Variants in NT5DC1 observed in about 807,000 individuals in gnomAD.
NT5DC1 encodes 5'-nucleotidase domain containing 1.
In NT5DC1, 42 loss-of-function variants were observed where a neutral mutation model predicts 59.4. The ratio of observed to expected loss-of-function variants is 0.71; its 90% CI spans 0.55 to 0.92. NT5DC1 has a LOEUF of 0.92. Among genes scored for constraint, NT5DC1 ranks in the 40% least tolerant of loss-of-function variants. NT5DC1 has a pLI of 0.00. For synonymous variants in NT5DC1, 172 were observed against 188.1 expected (o/e 0.91, Z 0.70); for missense variants, 501 against 537.1 (o/e 0.93, Z 0.66).
rs369941065 is a variant in NT5DC1 at position 116,120,861 on chromosome 6, C to A, written c.529+2916C>A. The A allele has an allele frequency of 5.0e-6, 8 of 1,614,016 alleles. No homozygotes were observed. The highest frequency in any genetic ancestry group is 6.8e-6 in the Non-Finnish European group (8 of 1,179,948). Reference sequence around the variant, plus strand: ...GCTGGGCCCACAGGGCCTGGGAGACCAGGAGGTCCTCCAACTCCAGGATCA... The same window carrying A: ...GCTGGGCCCACAGGGCCTGGGAGACAAGGAGGTCCTCCAACTCCAGGATCA... On this transcript the variant is annotated intron_variant, in intron 6 of 11. Transcript: ENST00000319550.
At chr6:116,103,004 C>G (rs1479542562) in intron 1 of NT5DC1, among the ~76,000 whole-genome samples, 1 of 152,210 alleles carries the variant, frequency 6.6e-6, no homozygotes, top group African/African-American at 2.4e-5. Context: ...GTTTGCCCTT[C>G]CATTCTAAGC....
At chr6:116,217,825 A>G (rs954652279) in intron 6 of NT5DC1, among the ~76,000 whole-genome samples, 2 of 152,314 alleles carry the variant, frequency 1.3e-5, no homozygotes, top group African/African-American at 4.8e-5. Context: ...TTAATAGACA[A>G]TTATAATCCA....
At chr6:116,239,280 A>C (rs1782180751) in intron 11 of NT5DC1, among the ~76,000 whole-genome samples, 157 bp downstream of exon 11, 2 of 152,238 alleles carry the variant, frequency 1.3e-5, no homozygotes, top group African/African-American at 4.8e-5. Context: ...TAGGACCAGC[A>C]CTTCTGTGGG....
At chr6:116,133,828 T>G (rs1421266365) in intron 6 of NT5DC1, among the ~76,000 whole-genome samples, 1 of 152,198 alleles carries the variant, frequency 6.6e-6, no homozygotes, top group Admixed American at 6.5e-5. Flanking sequence ...TTTGCCTGCT[T>G]TCTTTCATAT....
intron 11 of NT5DC1, 50 bp downstream of exon 11, chr6:116,239,173 A>T: frequency 7.9e-7 from 1 of 1,271,378 alleles, no homozygotes; most frequent in Non-Finnish European, 1.1e-6. Context: ...GACAATAATG[A>T]CCAGTACTAG....
At chr6:116,172,238 T>C (rs1333261244) in intron 6 of NT5DC1, among the ~76,000 whole-genome samples, 1 of 152,134 alleles carries the variant, frequency 6.6e-6, no homozygotes, top group African/African-American at 2.4e-5. Context: ...ATAAGTGGTT[T>C]TAAGTTTAAG....
At chr6:116,146,802 T>G (rs1332482780) in intron 6 of NT5DC1, among the ~76,000 whole-genome samples, 5 of 151,864 alleles carry the variant, frequency 3.3e-5, no homozygotes, top group African/African-American at 1.2e-4. Flanking sequence ...GCATTTCAGA[T>G]CAGTGGAAGA....
chr6:116,215,629 C>G (rs562075964), intron 6 of NT5DC1, among the ~76,000 whole-genome samples: 1 of 152,284 alleles, frequency 6.6e-6, no homozygotes, highest in African/African-American at 2.4e-5. Context: ...AAAAACCTCT[C>G]TCCACATTTA....
chr6:116,225,564 G>A (rs1456474121), intron 8 of NT5DC1, among the ~76,000 whole-genome samples: 2 of 152,178 alleles, frequency 1.3e-5, no homozygotes, highest in Non-Finnish European at 2.9e-5. Flanking sequence ...CCACTGAAAT[G>A]AGGAAGGAGA....
rs777154342 is a variant in NT5DC1, at chr6:116,125,378, T to C, written c.529+7433T>C. ...GTGTAGGGAATGAAGAACTGTGTCTTGGTGTTGGGTAGTGGGCCTTTTATG... is the reference window on the plus strand; with the variant it reads ...GTGTAGGGAATGAAGAACTGTGTCTCGGTGTTGGGTAGTGGGCCTTTTATG... On this transcript the variant is annotated intron_variant, in intron 6 of 11. Coordinates refer to ENST00000319550, the MANE Select transcript of NT5DC1 (RefSeq NM_152729.3). 6 of 1,613,654 alleles carry C rather than the reference T, an allele frequency of 3.7e-6. No individual in the cohort carries two copies. Among genetic ancestry groups the C allele is most frequent in the Admixed American group, 1.7e-5 (1 of 59,982 alleles).
intron 6 of NT5DC1, among the ~76,000 whole-genome samples, chr6:116,192,884 G>A (rs566521508): frequency 6.6e-6 from 1 of 151,976 alleles, no homozygotes; most frequent in Non-Finnish European, 1.5e-5. Context: ...GCTTTCTCAC[G>A]TTGCATCTTC....
intron 6 of NT5DC1, chr6:116,120,193 G>C: frequency 6.2e-7 from 1 of 1,614,160 alleles, no homozygotes; most frequent in Non-Finnish European, 8.5e-7. Flanking sequence ...TGAGATCGAT[G>C]ATGGCACTCC....
chr6:116,246,953 T>G lies in NT5DC1; in HGVS notation c.*2929T>G, dbSNP rs922277420. 2 of 152,188 alleles carry G rather than the reference T, an allele frequency of 1.3e-5. No homozygotes were observed. The highest frequency in any genetic ancestry group is 2.9e-5 in the Non-Finnish European group (2 of 68,002). 9.4% of individuals were successfully genotyped at this position (152,188 alleles called of 1,614,324 possible). On this transcript the variant is annotated 3_prime_UTR_variant, in exon 12 of 12. Transcript: ENST00000319550. The stretch of plus-strand genomic sequence containing the variant: ...GCTACTTCATGTACATTATCTTGTT[T>G]ACTCTCTATAGCAACCATATGAGAT...
Position 116,121,761 on chromosome 6 carries a change from C to T in NT5DC1, c.529+3816C>T, listed in dbSNP as rs1562124929. ...CCTTTTGGTCCATATGGTCCTCTCT[C>T]TCCTGGTTTTCCTGGGAGTCCTGGC... On this transcript the variant is annotated intron_variant, in intron 6 of 11. Transcript: ENST00000319550. 2 of 1,613,922 alleles carry T rather than the reference C, an allele frequency of 1.2e-6. No homozygotes were observed. The highest frequency in any genetic ancestry group is 3.3e-5 in the Admixed American group (2 of 60,012).
At chr6:116,141,987 T>G (rs187265038) in intron 6 of NT5DC1, among the ~76,000 whole-genome samples, 12 of 151,806 alleles carry the variant, frequency 7.9e-5, no homozygotes, top group Non-Finnish European at 1.2e-4. Flanking sequence ...TCAGGAAAAT[T>G]TTGACAAAGT....
At position 116,147,999 on chromosome 6, in the gene NT5DC1, T is replaced by TG. The variant is rs1209875191; in HGVS notation, c.529+30062dup. On this transcript the variant is annotated intron_variant, in intron 6 of 11. Transcript: ENST00000319550. ...GACTCTGTCTCAAAAAAAAAAAAGG[T>TG]GGGGGGGGTTGGAGGCACCTTGTTG... is the stretch of plus-strand genomic sequence containing the variant. 6.7e-3 allele frequency among the ~76,000 whole-genome samples: 948 copies of TG among 141,380 alleles called. 10 individuals carry two copies. Among genetic ancestry groups the TG allele is most frequent in the African/African-American group, 0.021 (785 of 37,968 alleles). 92.8% of individuals were successfully genotyped at this position (141,380 alleles called of 152,430 possible).
At chr6:116,141,483 C>G (rs1432637116) in intron 6 of NT5DC1, among the ~76,000 whole-genome samples, 1 of 151,842 alleles carries the variant, frequency 6.6e-6, no homozygotes, top group East Asian at 1.9e-4. Flanking sequence ...GTTCTTTTCC[C>G]AACTTTCCAG....
At chr6:116,120,818 G>C (rs1371727345) in intron 6 of NT5DC1, 1 of 1,613,786 alleles carries the variant, frequency 6.2e-7, no homozygotes, top group Non-Finnish European at 8.5e-7. Context: ...ATTGTGTCCG[G>C]GCATTCCCTT....
rs755820997 is a variant in NT5DC1 at position 116,121,584 on chromosome 6, C to T, written c.529+3639C>T. ...CCATTCATACCAGGGACTCCTGGTG[C>T]ACCCTTTTCTCCAGGAAAGCCCCTG... On this transcript the variant is annotated intron_variant, in intron 6 of 11. Coordinates refer to ENST00000319550, the MANE Select transcript of NT5DC1 (RefSeq NM_152729.3). The T allele has an allele frequency of 3.9e-5, 63 of 1,613,878 alleles. No homozygotes were observed. Among genetic ancestry groups the T allele is most frequent in the Non-Finnish European group, 5.0e-5 (59 of 1,179,978 alleles).
Sources: gnomAD v4.1 joint callset for allele counts (sites outside exome capture counted in the v4.1 genomes callset) on GRCh38, gnomAD v4.1.1 for gene constraint, MANE v1.5 for transcripts, NCBI Gene and HGNC (gene_info 2026-07-23, HGNC 2026-07-21) for gene names.